RUNX1: variants seen among roughly 807,000 people sequenced by gnomAD.
RUNX1 encodes the protein RUNX family transcription factor 1, also known as runt-related transcription factor 1.
Under a neutral mutation model 42.8 loss-of-function variants are expected in RUNX1, and 19 were observed. The observed-to-expected ratio is 0.44, with a 90% confidence interval of 0.31 to 0.65. The LOEUF is 0.65. Among genes scored for constraint, RUNX1 ranks in the 30% least tolerant of loss-of-function variants. The pLI is 0.07. For missense variants in RUNX1, 528 were observed against 672.0 expected (o/e 0.79, Z 2.37); for synonymous variants, 271 against 289.4 (o/e 0.94, Z 0.64).
At chr21:35,037,833 C>A (rs1322889546) in intron 2 of RUNX1, among the ~76,000 whole-genome samples, 2 of 152,196 alleles carry the variant, frequency 1.3e-5, no homozygotes, top group Non-Finnish European at 2.9e-5. Context: ...GCTGTTATTA[C>A]TATCGGTTTT....
At chr21:34,794,308 C>T (rs953302267) in intron 8 of RUNX1, among the ~76,000 whole-genome samples, 9 of 151,998 alleles carry the variant, frequency 5.9e-5, no homozygotes, top group Non-Finnish European at 1.0e-4. Flanking sequence ...AGTATTTAAG[C>T]GAATGCATGG....
chr21:34,866,856 T>C (rs2057670315), intron 5 of RUNX1, among the ~76,000 whole-genome samples: 1 of 152,240 alleles, frequency 6.6e-6, no homozygotes, highest in East Asian at 1.9e-4. Context: ...CCTAAGCTAC[T>C]GGCACCAGGA....
At chr21:34,884,093 T>C (rs2057945615) in intron 4 of RUNX1, among the ~76,000 whole-genome samples, 1 of 152,162 alleles carries the variant, frequency 6.6e-6, no homozygotes, top group Non-Finnish European at 1.5e-5. Flanking sequence ...TCCTAAGTCA[T>C]CAAAACAGCT....
intron 5 of RUNX1, among the ~76,000 whole-genome samples, chr21:34,860,208 A>G (rs1020601230): frequency 3.3e-5 from 5 of 152,246 alleles, no homozygotes; most frequent in Admixed American, 1.3e-4. Flanking sequence ...CTGAGATTCA[A>G]TAAGTACTAG....
Position 34,793,591 on chromosome 21 carries a change from C to T in RUNX1, c.968-981G>A, listed in dbSNP as rs142055362. Among the ~76,000 whole-genome samples the T allele has an allele frequency of 3.7e-3, 570 of 152,264 alleles. 6 individuals are homozygous for T. The highest frequency in any genetic ancestry group is 0.013 in the African/African-American group (547 of 41,556). On this transcript the variant is annotated intron_variant, in intron 8 of 8. Coordinates refer to ENST00000675419, the MANE Select transcript of RUNX1 (RefSeq NM_001754.5). ...CAAACTTCAGTGTCCATCCATACTT[C>T]GGAACACATCCTCACTCATTCTTTC... is the stretch of plus-strand genomic sequence containing the variant.
At chr21:35,010,541 G>A (rs2059118220) in intron 2 of RUNX1, among the ~76,000 whole-genome samples, 1 of 152,080 alleles carries the variant, frequency 6.6e-6, no homozygotes, top group Non-Finnish European at 1.5e-5. Flanking sequence ...TTGGTAGAGA[G>A]TGATGTTTAA....
chr21:35,048,873 T>G lies in RUNX1; in HGVS notation c.27A>C (p.Ser9=), dbSNP rs751800000. Residue 9 remains serine (S), a synonymous_variant, in exon 2 of 9, where the codon TCA becomes TCC. Transcript: ENST00000675419. MASDSIFE[S]FPSYPQCFMR... ...TGAAGCACTGTGGGTACGAAGGAAA[T>G]GACTCAAATATGCTGTCTGAAGCCA... 1 of 1,614,016 alleles carries G rather than the reference T, an allele frequency of 6.2e-7. No homozygotes were observed. The highest frequency in any genetic ancestry group is 8.5e-7 in the Non-Finnish European group (1 of 1,179,942).
intron 2 of RUNX1, among the ~76,000 whole-genome samples, chr21:35,034,271 A>G (rs908828943): frequency 2.6e-5 from 4 of 152,264 alleles, no homozygotes; most frequent in Admixed American, 1.3e-4. Context: ...CCAGCAGGCC[A>G]GAGTCATGGC....
chr21:34,921,524 T>C (rs185372808), intron 2 of RUNX1, among the ~76,000 whole-genome samples: 7 of 152,348 alleles, frequency 4.6e-5, no homozygotes, highest in Admixed American at 3.9e-4. Context: ...GTTTGTCCAT[T>C]TGTGTGTCAA....
chr21:34,861,050 G>C (rs2057567283), intron 5 of RUNX1, among the ~76,000 whole-genome samples: 2 of 152,214 alleles, frequency 1.3e-5, no homozygotes, highest in African/African-American at 4.8e-5. Context: ...CTTCTGGGGA[G>C]TGACTTCCAT....
chr21:35,019,155 C>A (rs2059180470), intron 2 of RUNX1, among the ~76,000 whole-genome samples: 1 of 152,216 alleles, frequency 6.6e-6, no homozygotes, highest in Non-Finnish European at 1.5e-5. Flanking sequence ...AACACTGCAT[C>A]CCCTTCATTT....
intron 2 of RUNX1, among the ~76,000 whole-genome samples, chr21:34,934,707 T>G (rs1301100222): frequency 6.6e-6 from 1 of 152,164 alleles, no homozygotes; most frequent in African/African-American, 2.4e-5. Flanking sequence ...TCTGCAGGTC[T>G]AGCAGTAACA....
At chr21:34,813,673 G>A (rs2056787425) in intron 7 of RUNX1, among the ~76,000 whole-genome samples, 1 of 152,152 alleles carries the variant, frequency 6.6e-6, no homozygotes, top group Non-Finnish European at 1.5e-5. Flanking sequence ...CGTCGGCTTT[G>A]CCATCTGGGA....
intron 2 of RUNX1, among the ~76,000 whole-genome samples, chr21:34,980,345 A>T (rs994891990): frequency 1.3e-5 from 2 of 152,240 alleles, no homozygotes; most frequent in African/African-American, 4.8e-5. Flanking sequence ...AAGCCAGGCC[A>T]GTATGGGTCA....
chr21:34,949,669 G>A (rs1438806210), intron 2 of RUNX1, among the ~76,000 whole-genome samples: 1 of 152,228 alleles, frequency 6.6e-6, no homozygotes, highest in African/African-American at 2.4e-5. Context: ...CCACACCCGC[G>A]CCAGCGAGGG....
intron 6 of RUNX1, among the ~76,000 whole-genome samples, chr21:34,858,243 C>T (rs577132083): frequency 9.0e-4 from 137 of 152,228 alleles, no homozygotes; most frequent in Non-Finnish European, 1.7e-3. Flanking sequence ...TAAAAGCTGC[C>T]GTGATCACAG....
chr21:34,938,041 C>A (rs541840881), intron 2 of RUNX1, among the ~76,000 whole-genome samples: 29 of 152,194 alleles, frequency 1.9e-4, no homozygotes, highest in Admixed American at 6.5e-4. Flanking sequence ...TAGTGCCGTG[C>A]CATTTAGTGA....
At chr21:35,030,635 G>A (rs760644113) in intron 2 of RUNX1, among the ~76,000 whole-genome samples, 2 of 152,172 alleles carry the variant, frequency 1.3e-5, no homozygotes, top group Admixed American at 6.5e-5. Flanking sequence ...AGAAAACACA[G>A]GGGAGAGGCT....
rs561404102 is a variant in RUNX1 at position 34,823,662 on chromosome 21, C to T, written c.805+10748G>A. On this transcript the variant is annotated intron_variant, in intron 7 of 8. Transcript: ENST00000675419. ...TTTTGCCATGTTGGCAGGCTGGTCT[C>T]GAACTCCTGACCTCAGGTGATCCAC... Among the ~76,000 whole-genome samples, 32 of 152,116 alleles carry T rather than the reference C, an allele frequency of 2.1e-4. 1 individual carries two copies. In the South Asian group the frequency reaches 4.2e-3, roughly 20 times the overall value.
Sources: gnomAD v4.1 joint callset for allele counts (sites outside exome capture counted in the v4.1 genomes callset) on GRCh38, gnomAD v4.1.1 for gene constraint, MANE v1.5 for transcripts, NCBI Gene and HGNC (gene_info 2026-07-23, HGNC 2026-07-21) for gene names.